CADM2: variants seen among roughly 807,000 people sequenced by gnomAD.
The protein encoded by CADM2 is immunoglobulin superfamily member 4D.
Under a neutral mutation model 49.8 loss-of-function variants are expected in CADM2, and 12 were observed. That is an observed-to-expected ratio of 0.24 (90% CI 0.15 to 0.39). CADM2 has a LOEUF of 0.39. Ranked by LOEUF, CADM2 falls within the 10% of genes least tolerant of loss-of-function variation. CADM2 has a pLI of 1.00. For missense variants in CADM2, 378 were observed against 492.3 expected, an observed-to-expected ratio of 0.77 and a Z score of 2.20; for synonymous variants, 214 against 175.4, an observed-to-expected ratio of 1.22 and a Z score of -1.74.
At chr3:85,701,820 C>G (rs2066762882) in intron 1 of CADM2, among the ~76,000 whole-genome samples, 1 of 151,632 alleles carries the variant, frequency 6.6e-6, no homozygotes, top group African/African-American at 2.4e-5. Context: ...ATTCAAACCT[C>G]TTTCACTGGT....
intron 3 of CADM2, among the ~76,000 whole-genome samples, chr3:85,856,485 CA>C (rs1387512697): frequency 1.3e-5 from 2 of 152,176 alleles, no homozygotes; most frequent in African/African-American, 4.8e-5. Context: ...TAGATTATCT[CA>C]AACTATATGC....
At chr3:85,751,935 A>G (rs991022033) in intron 2 of CADM2, among the ~76,000 whole-genome samples, 1 of 152,160 alleles carries the variant, frequency 6.6e-6, no homozygotes, top group Non-Finnish European at 1.5e-5. Flanking sequence ...AAGGACTAAT[A>G]CCTATGGTAA....
At chr3:84,993,353 G>C (rs2032998619) in intron 1 of CADM2, among the ~76,000 whole-genome samples, 1 of 152,092 alleles carries the variant, frequency 6.6e-6, no homozygotes, top group African/African-American at 2.4e-5. Flanking sequence ...CTACCTTAAT[G>C]ACTAAAGCAA....
chr3:84,995,287 TTAACCTGA>T (rs1559607801), intron 1 of CADM2, among the ~76,000 whole-genome samples: 4 of 152,154 alleles, frequency 2.6e-5, no homozygotes, highest in Admixed American at 2.6e-4. Context: ...GGTACATTTG[TTAACCTGA>T]TAAAGCAGAA....
intron 1 of CADM2, among the ~76,000 whole-genome samples, chr3:85,114,336 T>A (rs2038566054): frequency 6.6e-6 from 1 of 152,070 alleles, no homozygotes; most frequent in Non-Finnish European, 1.5e-5. Context: ...AAGAGAGGCA[T>A]CCTCAGAGTA....
intron 1 of CADM2, among the ~76,000 whole-genome samples, chr3:85,259,523 G>T (rs1006738963): frequency 6.6e-6 from 1 of 152,150 alleles, no homozygotes; most frequent in South Asian, 2.1e-4. Flanking sequence ...TGGAAATGAT[G>T]CCTTCAGTAG....
chr3:85,007,486 A>G (rs1282863793), intron 1 of CADM2, among the ~76,000 whole-genome samples: 1 of 152,188 alleles, frequency 6.6e-6, no homozygotes, highest in Non-Finnish European at 1.5e-5. Context: ...CCCCTGGTCT[A>G]GTAGGTAATA....
chr3:85,908,771 C>A (rs1034181255), intron 5 of CADM2, among the ~76,000 whole-genome samples: 92 of 150,484 alleles, frequency 6.1e-4, no homozygotes, highest in Non-Finnish European at 1.1e-3. Flanking sequence ...GTCACCCAGG[C>A]TGGAGTGCAG....
chr3:85,670,920 C>T (rs1334220485), intron 1 of CADM2, among the ~76,000 whole-genome samples: 1 of 152,118 alleles, frequency 6.6e-6, no homozygotes, highest in Admixed American at 6.6e-5. Flanking sequence ...TCCTTCTCGA[C>T]CATAGATTGA....
chr3:86,013,688 T>G (rs1731836346), intron 8 of CADM2: 1 of 1,601,750 alleles, frequency 6.2e-7, no homozygotes, highest in African/African-American at 1.3e-5. Context: ...TGGGGTTTGT[T>G]GATGAATCTC....
At chr3:85,696,087 T>C (rs2107693800) in intron 1 of CADM2, among the ~76,000 whole-genome samples, 1 of 152,200 alleles carries the variant, frequency 6.6e-6, no homozygotes, top group Admixed American at 6.5e-5. Flanking sequence ...ATGTTCATGT[T>C]GTTTGCCTAC....
intron 3 of CADM2, among the ~76,000 whole-genome samples, chr3:85,866,426 C>A (rs999766844): frequency 6.6e-6 from 1 of 152,096 alleles, no homozygotes; most frequent in Non-Finnish European, 1.5e-5. Context: ...GAACAGTTTT[C>A]TTGATTCATT....
At chr3:85,026,006 A>G (rs936877335) in intron 1 of CADM2, among the ~76,000 whole-genome samples, 6 of 152,172 alleles carry the variant, frequency 3.9e-5, no homozygotes, top group African/African-American at 1.4e-4. Context: ...CATTCTTCAC[A>G]GGTGGGTGCT....
chr3:85,730,582 T>G (rs1339754269), intron 2 of CADM2, among the ~76,000 whole-genome samples: 1 of 152,158 alleles, frequency 6.6e-6, no homozygotes. Flanking sequence ...TATCCTACAT[T>G]TGTATATCAT....
At chr3:85,094,036 A>C (rs2037700500) in intron 1 of CADM2, among the ~76,000 whole-genome samples, 1 of 152,132 alleles carries the variant, frequency 6.6e-6, no homozygotes, top group Non-Finnish European at 1.5e-5. Context: ...GTTTCCATTT[A>C]AAATGAAATT....
chr3:85,221,867 T>C (rs1311371890), intron 1 of CADM2, among the ~76,000 whole-genome samples: 1 of 152,122 alleles, frequency 6.6e-6, no homozygotes, highest in African/African-American at 2.4e-5. Flanking sequence ...AATTGAGCTC[T>C]AGATACCGTT....
At chr3:85,827,873 C>G (rs1257361546) in intron 3 of CADM2, 3 of 151,954 alleles carry the variant, frequency 2.0e-5, no homozygotes, top group African/African-American at 7.2e-5. Context: ...CAGGTTCTTT[C>G]TATCTTGTTG....
At chr3:85,630,385 A>G (rs1281905761) in intron 1 of CADM2, among the ~76,000 whole-genome samples, 1 of 152,022 alleles carries the variant, frequency 6.6e-6, no homozygotes, top group African/African-American at 2.4e-5. Flanking sequence ...TTCTCATTCA[A>G]GACTCAGTTC....
intron 1 of CADM2, among the ~76,000 whole-genome samples, chr3:85,439,149 T>C (rs12629036): frequency 0.51 from 75,160 of 146,678 alleles, 21,948 homozygotes; most frequent in East Asian, 0.83. Context: ...TAATGACTTA[T>C]AATGACTTTT....
Sources: allele counts gnomAD v4.1 joint callset (sites outside exome capture counted in the v4.1 genomes callset), GRCh38; gene constraint gnomAD v4.1.1; transcripts MANE v1.5; gene names NCBI Gene and HGNC (gene_info 2026-07-23, HGNC 2026-07-21).